Variants in PARD3B observed in about 807,000 individuals in gnomAD.
The protein encoded by PARD3B is partitioning defective 3 homolog B.
PARD3B carries 103 observed loss-of-function variants against 130.2 expected under a neutral mutation model. That is an observed-to-expected ratio of 0.79 (90% CI 0.67 to 0.93). The LOEUF is 0.93. Among genes scored for constraint, PARD3B ranks in the 40% least tolerant of loss-of-function variants. PARD3B has a pLI of 0.00. For synonymous variants in PARD3B, 583 were observed against 553.2 expected (o/e 1.05, Z -0.76); for missense variants, 1,609 against 1,499.2 (o/e 1.07, Z -1.21).
chr2:204,627,684 T>G (rs1408832764), intron 1 of PARD3B, among the ~76,000 whole-genome samples: 1 of 152,204 alleles, frequency 6.6e-6, no homozygotes, highest in Non-Finnish European at 1.5e-5. Flanking sequence ...TTTCCCTTTT[T>G]GTTCGTAAGC....
Position 204,602,490 on chromosome 2 carries a change from A to G in PARD3B, c.120+56371A>G, listed in dbSNP as rs191400672. 4.3e-3 allele frequency among the ~76,000 whole-genome samples: 657 copies of G among 152,146 alleles called. 2 individuals are homozygous for G. Among genetic ancestry groups the G allele is most frequent in the African/African-American group, 0.015 (627 of 41,554 alleles). On this transcript the variant is annotated intron_variant, in intron 1 of 22. Transcript: ENST00000406610. ...ACTGTTGAGTTCAAGAGGAGGCAAA[A>G]TGTTATTATTTCTACACACACCATT...
At chr2:204,574,028 C>T (rs2032133819) in intron 1 of PARD3B, among the ~76,000 whole-genome samples, 2 of 152,218 alleles carry the variant, frequency 1.3e-5, no homozygotes, top group Admixed American at 6.5e-5. Context: ...ACCAGTCACT[C>T]ACTGTCAGAG....
chr2:204,920,393 A>G (rs1442875776), intron 2 of PARD3B, among the ~76,000 whole-genome samples: 1 of 152,198 alleles, frequency 6.6e-6, no homozygotes, highest in Non-Finnish European at 1.5e-5. Context: ...CAAGGGCATT[A>G]TGATGTGTCC....
intron 2 of PARD3B, among the ~76,000 whole-genome samples, chr2:204,962,652 A>G (rs1690849655): frequency 6.6e-6 from 1 of 152,154 alleles, no homozygotes; most frequent in African/African-American, 2.4e-5. Context: ...TGACTGAAGT[A>G]ATTTAGTTAA....
chr2:204,742,248 A>G (rs2040040493), intron 2 of PARD3B, among the ~76,000 whole-genome samples: 1 of 152,192 alleles, frequency 6.6e-6, no homozygotes, highest in African/African-American at 2.4e-5. Flanking sequence ...TTATACGTAT[A>G]TGTATATGTA....
At chr2:204,646,237 C>G (rs112530421) in intron 1 of PARD3B, among the ~76,000 whole-genome samples, 1 of 152,096 alleles carries the variant, frequency 6.6e-6, no homozygotes, top group African/African-American at 2.4e-5. Flanking sequence ...GAAGTTCTCA[C>G]GTGCCACTGC....
intron 22 of PARD3B, among the ~76,000 whole-genome samples, chr2:205,606,131 G>C (rs1469445365): frequency 6.6e-6 from 1 of 152,076 alleles, no homozygotes; most frequent in Non-Finnish European, 1.5e-5. Flanking sequence ...TGGAGCCACA[G>C]TGATGACAGC....
At chr2:205,224,646 T>A (rs896246733) in intron 15 of PARD3B, among the ~76,000 whole-genome samples, 6 of 149,718 alleles carry the variant, frequency 4.0e-5, no homozygotes, top group African/African-American at 1.5e-4. Context: ...AATTTTTAGA[T>A]CCCACAAAAA....
intron 2 of PARD3B, among the ~76,000 whole-genome samples, chr2:204,873,824 A>C (rs1428839179): frequency 2.0e-5 from 3 of 152,102 alleles, no homozygotes; most frequent in African/African-American, 7.2e-5. Context: ...GGCTAATAGT[A>C]AACAAGAAGG....
At chr2:205,162,041 G>C (rs926956517) in intron 11 of PARD3B, among the ~76,000 whole-genome samples, 1 of 152,010 alleles carries the variant, frequency 6.6e-6, no homozygotes, top group Admixed American at 6.6e-5. Flanking sequence ...GTTTTATTTT[G>C]TTTTCCTTAA....
Position 205,269,317 on chromosome 2 carries a change from C to T in PARD3B, c.2185+23495C>T, listed in dbSNP as rs2040628334. Among the ~76,000 whole-genome samples, 1 of 152,102 alleles carries T rather than the reference C, an allele frequency of 6.6e-6. No individual in the cohort carries two copies. Among genetic ancestry groups the T allele is most frequent in the Non-Finnish European group, 1.5e-5 (1 of 68,016 alleles). On this transcript the variant is annotated intron_variant, in intron 16 of 22. Coordinates refer to ENST00000406610, the MANE Select transcript of PARD3B (RefSeq NM_001302769.2). This position sits in a 1 kb window ranked among gnomAD's most constrained non-coding sequence, Gnocchi z 4.7. ...AATCCTATAAAAATAATGACATACT[C>T]TTATAATTAAATAGACTTATTTCAA...
intron 5 of PARD3B, among the ~76,000 whole-genome samples, chr2:205,111,347 G>A (rs1232353301): frequency 6.6e-6 from 1 of 151,886 alleles, no homozygotes; most frequent in Non-Finnish European, 1.5e-5. Context: ...TTTATTCTGA[G>A]ATACTGAAAG....
At chr2:204,645,975 C>T (rs1260743479) in intron 1 of PARD3B, among the ~76,000 whole-genome samples, 1 of 152,068 alleles carries the variant, frequency 6.6e-6, no homozygotes, top group Non-Finnish European at 1.5e-5. Flanking sequence ...CTTTCTACTT[C>T]TAGCTATAAT....
rs2053463779 is a variant in PARD3B at position 205,568,973 on chromosome 2, A to C, written c.3260+15570A>C. Among the ~76,000 whole-genome samples the C allele has an allele frequency of 6.6e-6, 1 of 152,174 alleles. No individual in the cohort carries two copies. Among genetic ancestry groups the C allele is most frequent in the African/African-American group, 2.4e-5 (1 of 41,436 alleles). On this transcript the variant is annotated intron_variant, in intron 22 of 22. Coordinates refer to ENST00000406610, the MANE Select transcript of PARD3B (RefSeq NM_001302769.2). This position sits in a 1 kb window ranked among gnomAD's most constrained non-coding sequence, Gnocchi z 5.3. Reference sequence around the variant, plus strand: ...GGTCAAAGAATGTGAATATTTTTAAAGTTTCTGATGTATATTGCCAGATTG... The same window carrying C: ...GGTCAAAGAATGTGAATATTTTTAACGTTTCTGATGTATATTGCCAGATTG...
chr2:205,201,751 C>T (rs1460851351), intron 15 of PARD3B, among the ~76,000 whole-genome samples: 5 of 152,266 alleles, frequency 3.3e-5, no homozygotes, highest in Admixed American at 6.5e-5. Context: ...GCAGGAGAAT[C>T]GCTTGAACCT....
At chr2:204,984,923 C>T (rs1452148160) in intron 3 of PARD3B, among the ~76,000 whole-genome samples, 3 of 151,940 alleles carry the variant, frequency 2.0e-5, no homozygotes, top group African/African-American at 7.3e-5. Flanking sequence ...CCCCGCACCC[C>T]ACCCCAGATG....
At chr2:205,233,337 C>A (rs2038927781) in intron 15 of PARD3B, among the ~76,000 whole-genome samples, 1 of 152,032 alleles carries the variant, frequency 6.6e-6, no homozygotes, top group Admixed American at 6.5e-5. Flanking sequence ...AAATCACCAA[C>A]AGGTACACTA....
chr2:204,706,967 A>G (rs2038194659), intron 2 of PARD3B, among the ~76,000 whole-genome samples: 1 of 152,210 alleles, frequency 6.6e-6, no homozygotes, highest in African/African-American at 2.4e-5. Context: ...AATAATGGAT[A>G]AGGGATTGTG....
At chr2:205,348,922 G>C (rs2043892226) in intron 18 of PARD3B, among the ~76,000 whole-genome samples, 1 of 152,114 alleles carries the variant, frequency 6.6e-6, no homozygotes, top group Non-Finnish European at 1.5e-5. Context: ...CTTGAATTTT[G>C]AGAAATCAAA....
Sources: gnomAD v4.1 joint callset for allele counts (sites outside exome capture counted in the v4.1 genomes callset) on GRCh38, gnomAD v4.1.1 for gene constraint, Gnocchi (gnomAD v3.1) non-coding constraint, MANE v1.5 for transcripts, NCBI Gene and HGNC (gene_info 2026-07-23, HGNC 2026-07-21) for gene names.